Variants in SINHCAF observed in about 807,000 individuals in gnomAD.
SINHCAF encodes the protein SIN3-HDAC complex-associated factor.
A neutral mutation model predicts 25.8 loss-of-function variants in SINHCAF; 3 were observed. That is an observed-to-expected ratio of 0.12 (90% CI 0.05 to 0.30). SINHCAF has a LOEUF of 0.30. Among genes scored for constraint, SINHCAF ranks in the 10% least tolerant of loss-of-function variants. SINHCAF has a pLI of 1.00. For missense variants in SINHCAF, 121 were observed against 262.3 expected (o/e 0.46, Z 3.72); for synonymous variants, 70 against 85.5 (o/e 0.82, Z 1.00).
At chr12:31,297,559 G>A (rs1257526354) in intron 2 of SINHCAF, among the ~76,000 whole-genome samples, 2 of 137,070 alleles carry the variant, frequency 1.5e-5, no homozygotes, top group Non-Finnish European at 3.0e-5. Context: ...TACAACCTCC[G>A]CCTCCTGGGT....
chr12:31,311,936 G>A, intron 1 of SINHCAF: 1 of 583,654 alleles, frequency 1.7e-6, no homozygotes, highest in East Asian at 4.5e-5. Context: ...AGAATGTGTG[G>A]CCTTTTGATT....
chr12:31,298,789 G>A (rs1015415235), intron 1 of SINHCAF, among the ~76,000 whole-genome samples: 1 of 152,130 alleles, frequency 6.6e-6, no homozygotes, highest in African/African-American at 2.4e-5. Flanking sequence ...AGTCAAGTTT[G>A]CCCCTGAATT....
Position 31,326,138 on chromosome 12 carries a change from C to CTCCTGCAG in SINHCAF, c.-143_-136dup, listed in dbSNP as rs1184080839. ...CAACTGCCTTGTCTAGAAAGATAGT[C>CTCCTGCAG]TCCTGCAGTTCTGCAGTTGCTACCG... On this transcript the variant is annotated 5_prime_UTR_variant, in exon 1 of 6. Transcript: ENST00000337682. 2 of 152,290 alleles carry CTCCTGCAG rather than the reference C, an allele frequency of 1.3e-5. No individual in the cohort carries two copies. Among genetic ancestry groups the CTCCTGCAG allele is most frequent in the Non-Finnish European group, 2.9e-5 (2 of 68,084 alleles). 9.4% of individuals were successfully genotyped at this position (152,290 alleles called of 1,614,324 possible). A position where few individuals can be genotyped will look rare whatever the true frequency, so the allele number is the denominator to read the frequency against.
intron 5 of SINHCAF, among the ~76,000 whole-genome samples, chr12:31,286,163 T>A (rs1938056069): frequency 1.3e-5 from 2 of 152,208 alleles, no homozygotes; most frequent in South Asian, 4.1e-4. Flanking sequence ...GATTTGTTCC[T>A]GATCATAGAG....
intron 5 of SINHCAF, among the ~76,000 whole-genome samples, chr12:31,283,855 T>TAC (rs57162055): frequency 0.51 from 71,880 of 140,336 alleles, 18,189 homozygotes; most frequent in East Asian, 0.63. Context: ...AGTTATCCAT[T>TAC]ACACACACAC....
chr12:31,318,000 C>T (rs1006894677), intron 1 of SINHCAF, among the ~76,000 whole-genome samples: 6 of 152,168 alleles, frequency 3.9e-5, no homozygotes, highest in African/African-American at 1.2e-4. Flanking sequence ...AAAAAATACT[C>T]GCGATCACAA....
Position 31,314,956 on chromosome 12 carries a change from C to G in SINHCAF, c.-21+11068G>C, listed in dbSNP as rs540345064. 2.1e-4 allele frequency among the ~76,000 whole-genome samples: 32 copies of G among 152,244 alleles called. No individual in the cohort carries two copies. The South Asian group carries it at 5.2e-3, about 25-fold the overall frequency. ...GTTCTGCAGTTGCAGGGGATTTAGTCGATTTAGAGGATTTGTTCTCCATAA... is the reference window on the plus strand; with the variant it reads ...GTTCTGCAGTTGCAGGGGATTTAGTGGATTTAGAGGATTTGTTCTCCATAA... On this transcript the variant is annotated intron_variant, in intron 1 of 5. Coordinates refer to ENST00000337682, the MANE Select transcript of SINHCAF (RefSeq NM_001135812.2).
chr12:31,283,855 T>TACACACACACAC (rs57162055), intron 5 of SINHCAF, among the ~76,000 whole-genome samples: 4,507 of 140,462 alleles, frequency 0.032, 75 homozygotes, highest in Non-Finnish European at 0.04. Context: ...AGTTATCCAT[T>TACACACACACAC]ACACACACAC....
intron 4 of SINHCAF, among the ~76,000 whole-genome samples, chr12:31,290,859 A>G (rs1001237413): frequency 6.6e-6 from 1 of 152,186 alleles, no homozygotes; most frequent in Non-Finnish European, 1.5e-5. Flanking sequence ...AGCTGGGATT[A>G]CAGGCATGCA....
chr12:31,324,159 C>A lies in SINHCAF; in HGVS notation c.-21+1865G>T. 1 of 370,596 alleles carries A rather than the reference C, an allele frequency of 2.7e-6. No individual in the cohort carries two copies. Among genetic ancestry groups the A allele is most frequent in the South Asian group, 1.9e-5 (1 of 53,074 alleles). 23.0% of individuals were successfully genotyped at this position (370,596 alleles called of 1,614,324 possible). A position where few individuals can be genotyped will look rare whatever the true frequency, so the allele number is the denominator to read the frequency against. ...GCCACCTCCCTCACCTGCGCCGGAA[C>A]AACGGGCCCCGCGCCAGCCCGGCCC... On this transcript the variant is annotated intron_variant, in intron 1 of 5. Coordinates refer to ENST00000337682, the MANE Select transcript of SINHCAF (RefSeq NM_001135812.2). The surrounding 1 kb of genome is among the most constrained non-coding windows in gnomAD (Gnocchi z 5.5).
At chr12:31,297,779 A>G (rs1938609272) in intron 2 of SINHCAF, among the ~76,000 whole-genome samples, 1 of 152,088 alleles carries the variant, frequency 6.6e-6, no homozygotes, top group South Asian at 2.1e-4. Context: ...AGTCAAGGGT[A>G]ATTTTTTTAA....
At chr12:31,308,425 T>C (rs935970803) in intron 1 of SINHCAF, among the ~76,000 whole-genome samples, 2 of 152,116 alleles carry the variant, frequency 1.3e-5, no homozygotes, top group Non-Finnish European at 2.9e-5. Flanking sequence ...GTAGGAAGCA[T>C]CAAAAAAGCT....
In SINHCAF at chr12:31,281,003, G is replaced by C; in HGVS notation, c.*1709C>G. On this transcript the variant is annotated 3_prime_UTR_variant, in exon 6 of 6. Transcript: ENST00000337682. ...AGCATGTAGGTTTTTTCCAAAAGAAGGAAATATAAAATGTTTAGATTAAGA... is the reference window on the plus strand; with the variant it reads ...AGCATGTAGGTTTTTTCCAAAAGAACGAAATATAAAATGTTTAGATTAAGA... 6.6e-6 allele frequency: 1 copy of C among 152,040 alleles called. No homozygotes were observed. The highest frequency in any genetic ancestry group is 1.5e-5 in the Non-Finnish European group (1 of 67,982). 9.4% of individuals were successfully genotyped at this position (152,040 alleles called of 1,614,324 possible).
At chr12:31,309,870 T>C (rs1939196745) in intron 1 of SINHCAF, among the ~76,000 whole-genome samples, 1 of 152,078 alleles carries the variant, frequency 6.6e-6, no homozygotes, top group African/African-American at 2.4e-5. Context: ...TTTTTCCATG[T>C]TGGTCAGGCT....
intron 1 of SINHCAF, among the ~76,000 whole-genome samples, chr12:31,310,022 T>C (rs1241324796): frequency 6.6e-6 from 1 of 152,108 alleles, no homozygotes; most frequent in African/African-American, 2.4e-5. Flanking sequence ...ATCCCATGAT[T>C]TCAGTTCCAG....
chr12:31,290,203 G>A (rs536482955), intron 4 of SINHCAF, among the ~76,000 whole-genome samples: 1 of 152,154 alleles, frequency 6.6e-6, no homozygotes, highest in Non-Finnish European at 1.5e-5. Flanking sequence ...AGGCTGGAGT[G>A]CAGTGGCTGG....
rs1229430977 is a variant in SINHCAF, at chr12:31,325,915, G to A, written c.-21+109C>T. The A allele has an allele frequency of 6.6e-6, 1 of 152,132 alleles. No homozygotes were observed. The highest frequency in any genetic ancestry group is 1.5e-5 in the Non-Finnish European group (1 of 68,084). 9.4% of individuals were successfully genotyped at this position (152,132 alleles called of 1,614,324 possible). A position where few individuals can be genotyped will look rare whatever the true frequency, so the allele number is the denominator to read the frequency against. On this transcript the variant is annotated intron_variant, in intron 1 of 5. Coordinates refer to ENST00000337682, the MANE Select transcript of SINHCAF (RefSeq NM_001135812.2). The surrounding 1 kb of genome is among the most constrained non-coding windows in gnomAD (Gnocchi z 5.9). ...CCAAGACAAAACTTCCTGTGTGTAT[G>A]TGGAAGGACGGGGGGAGGTGGGTGG...
intron 1 of SINHCAF, among the ~76,000 whole-genome samples, chr12:31,309,225 T>C (rs1939161228): frequency 1.3e-5 from 2 of 152,056 alleles, no homozygotes; most frequent in African/African-American, 4.8e-5. Flanking sequence ...ATCTAGGTAT[T>C]ATAATACTGT....
chr12:31,309,198 G>T (rs928619692), intron 1 of SINHCAF, among the ~76,000 whole-genome samples: 2 of 151,580 alleles, frequency 1.3e-5, no homozygotes, highest in African/African-American at 4.8e-5. Context: ...GTGTATGAAG[G>T]TTAAGAAGCA....
Sources: gnomAD v4.1 joint callset for allele counts (sites outside exome capture counted in the v4.1 genomes callset) on GRCh38, gnomAD v4.1.1 for gene constraint, Gnocchi (gnomAD v3.1) non-coding constraint, MANE v1.5 for transcripts, NCBI Gene and HGNC (gene_info 2026-07-23, HGNC 2026-07-21) for gene names.